DIP2C: variants seen among roughly 807,000 people sequenced by gnomAD.
DIP2C encodes DIP2 acetate--CoA ligase C (putative).
DIP2C carries 33 observed loss-of-function variants against 192.4 expected under a neutral mutation model. That is an observed-to-expected ratio of 0.17 (90% CI 0.13 to 0.23). The LOEUF (loss-of-function observed/expected upper bound fraction) is 0.23. Among genes scored for constraint, DIP2C ranks in the 10% least tolerant of loss-of-function variants. DIP2C has a pLI of 1.00. For synonymous variants in DIP2C, 979 were observed against 864.1 expected, an observed-to-expected ratio of 1.13 and a Z score of -2.33; for missense variants, 1,537 against 2,110.1, an observed-to-expected ratio of 0.73 and a Z score of 5.32.
At chr10:506,168 C>A (rs751679684) in intron 1 of DIP2C, among the ~76,000 whole-genome samples, 1 of 152,124 alleles carries the variant, frequency 6.6e-6, no homozygotes, top group South Asian at 2.1e-4. Flanking sequence ...ATTTAAATAA[C>A]CTTGACTTGC....
chr10:440,566 G>C (rs1337761436), intron 4 of DIP2C, among the ~76,000 whole-genome samples: 1 of 152,054 alleles, frequency 6.6e-6, no homozygotes. Flanking sequence ...CCACCCAGAG[G>C]GGTACAAACT....
chr10:472,011 G>T (rs893839633), intron 3 of DIP2C, among the ~76,000 whole-genome samples: 4 of 152,130 alleles, frequency 2.6e-5, no homozygotes, highest in Admixed American at 2.6e-4. Context: ...TGTGCAGACG[G>T]CATCATAAAA....
chr10:498,170 T>TCA (rs1844979964), intron 1 of DIP2C, among the ~76,000 whole-genome samples: 1 of 152,198 alleles, frequency 6.6e-6, no homozygotes, highest in Admixed American at 6.5e-5. Flanking sequence ...CCAGCCTCTG[T>TCA]CATGCGTTTC....
chr10:302,437 C>A (rs1956095395), intron 32 of DIP2C, among the ~76,000 whole-genome samples: 1 of 152,140 alleles, frequency 6.6e-6, no homozygotes, highest in African/African-American at 2.4e-5. Flanking sequence ...AGCTCTGGTA[C>A]CCAAGGGACG....
intron 1 of DIP2C, among the ~76,000 whole-genome samples, chr10:487,541 GA>G (rs1374337361): frequency 5.5e-5 from 8 of 144,824 alleles, no homozygotes; most frequent in East Asian, 2.1e-4. Flanking sequence ...AAATGACACG[GA>G]ACCCGCATCC....
chr10:336,302 C>T (rs1200330888), intron 29 of DIP2C, among the ~76,000 whole-genome samples: 1 of 151,000 alleles, frequency 6.6e-6, no homozygotes, highest in East Asian at 2.0e-4. Context: ...GAGCCTGTAA[C>T]GAAGCTGAAA....
chr10:418,865 A>G (rs556482900), intron 6 of DIP2C, among the ~76,000 whole-genome samples, 200 bp downstream of exon 6: 38 of 152,258 alleles, frequency 2.5e-4, no homozygotes, highest in Non-Finnish European at 4.6e-4. Context: ...CCTACAAGGA[A>G]TAACTGTGGG....
intron 5 of DIP2C, 51 bp downstream of exon 5, chr10:422,773 A>C (rs1371277070): frequency 6.4e-7 from 1 of 1,568,604 alleles, no homozygotes; most frequent in Non-Finnish European, 8.7e-7. Context: ...ATGTGCACAC[A>C]CAAAGGCGTT....
chr10:513,894 A>G (rs1159411686), intron 1 of DIP2C, among the ~76,000 whole-genome samples: 1 of 152,266 alleles, frequency 6.6e-6, no homozygotes, highest in Non-Finnish European at 1.5e-5. Context: ...TTCACTCACC[A>G]TCCAGCCTGT....
chr10:451,154 G>A (rs181581489), intron 3 of DIP2C, among the ~76,000 whole-genome samples: 133 of 152,258 alleles, frequency 8.7e-4, no homozygotes, highest in Middle Eastern at 3.4e-3. Context: ...CACCACATCC[G>A]GAACAGGCGT....
chr10:619,596 T>C (rs1466616384), intron 1 of DIP2C, among the ~76,000 whole-genome samples: 1 of 126,292 alleles, frequency 7.9e-6, no homozygotes, highest in Non-Finnish European at 1.6e-5. Flanking sequence ...GATTCCACTT[T>C]AACTAGTGTC....
At chr10:376,892 C>G (rs916340967) in intron 17 of DIP2C, among the ~76,000 whole-genome samples, 1 of 152,142 alleles carries the variant, frequency 6.6e-6, no homozygotes, top group Admixed American at 6.5e-5. Flanking sequence ...GTGCATGTAC[C>G]TTTTTCGATG....
At chr10:304,743 TAC>T (rs1255335741) in intron 32 of DIP2C, among the ~76,000 whole-genome samples, 3 of 83,634 alleles carry the variant, frequency 3.6e-5, no homozygotes, top group South Asian at 3.6e-4. Flanking sequence ...GTAACATACT[TAC>T]ACACACATAA....
chr10:559,083 TCA>T (rs1479311210), intron 1 of DIP2C, among the ~76,000 whole-genome samples: 1 of 152,152 alleles, frequency 6.6e-6, no homozygotes, highest in Non-Finnish European at 1.5e-5. Flanking sequence ...TGCATCTGAG[TCA>T]CACAAGCACA....
At position 390,387 on chromosome 10, in the gene DIP2C, A is replaced by G; in HGVS notation, c.1385-14T>C. 3.7e-6 allele frequency: 6 copies of G among 1,610,930 alleles called. No homozygotes were observed. Among genetic ancestry groups the G allele is most frequent in the Non-Finnish European group, 4.2e-6 (5 of 1,177,376 alleles). On this transcript the variant is annotated splice_polypyrimidine_tract_variant and intron_variant, in intron 11 of 36. Coordinates refer to ENST00000280886, the MANE Select transcript of DIP2C (RefSeq NM_014974.3). Reference sequence around the variant, plus strand: ...GCTTTGGCCAACCTTGGAAATAAACAACAAGTTCCTTTTAAATGTTACTCT... The same window carrying G: ...GCTTTGGCCAACCTTGGAAATAAACGACAAGTTCCTTTTAAATGTTACTCT...
In DIP2C at chr10:634,334, C is replaced by T. The variant is rs115361519; in HGVS notation, c.85+55160G>A. On this transcript the variant is annotated intron_variant, in intron 1 of 36. Transcript: ENST00000280886. The stretch of plus-strand genomic sequence containing the variant: ...GGCGGTTTGTTACTTTTCACCTGCC[C>T]GTCCAAGGCAGCTACACTAAACTAC... Among the ~76,000 whole-genome samples the T allele has an allele frequency of 1.3e-3, 202 of 152,300 alleles. 1 individual carries two copies. Among genetic ancestry groups the T allele is most frequent in the African/African-American group, 4.4e-3 (183 of 41,566 alleles).
At chr10:571,272 C>CA (rs1849779261) in intron 1 of DIP2C, among the ~76,000 whole-genome samples, 1 of 152,216 alleles carries the variant, frequency 6.6e-6, no homozygotes, top group African/African-American at 2.4e-5. Flanking sequence ...TAACGTCGAC[C>CA]ACATCTCAGG....
At chr10:379,177 G>A (rs939657074) in intron 17 of DIP2C, among the ~76,000 whole-genome samples, 2 of 89,900 alleles carry the variant, frequency 2.2e-5, no homozygotes, top group South Asian at 3.9e-4. Context: ...GCTGGCTCCC[G>A]AGTGCCACGC....
At position 651,004 on chromosome 10, in the gene DIP2C, G is replaced by A; in HGVS notation, c.85+38490C>T. 1.4e-6 allele frequency: 1 copy of A among 717,384 alleles called. No individual in the cohort carries two copies. The highest frequency in any genetic ancestry group is 2.6e-6 in the Non-Finnish European group (1 of 385,070). 44.4% of individuals were successfully genotyped at this position (717,384 alleles called of 1,614,324 possible). A position where few individuals can be genotyped will look rare whatever the true frequency, so the allele number is the denominator to read the frequency against. On this transcript the variant is annotated intron_variant, in intron 1 of 36. Transcript: ENST00000280886. The surrounding 1 kb of genome is among the most constrained non-coding windows in gnomAD (Gnocchi z 4.1). ...CTCTCTCCATCTCTCCCGGTGCCAGGGCTCAGGCCCCAGCCCCCGTTTCTG... is the reference window on the plus strand; with the variant it reads ...CTCTCTCCATCTCTCCCGGTGCCAGAGCTCAGGCCCCAGCCCCCGTTTCTG...
Sources: gnomAD v4.1 joint callset for allele counts (sites outside exome capture counted in the v4.1 genomes callset) on GRCh38, gnomAD v4.1.1 for gene constraint, Gnocchi (gnomAD v3.1) non-coding constraint, MANE v1.5 for transcripts, NCBI Gene and HGNC (gene_info 2026-07-23, HGNC 2026-07-21) for gene names.